MBNL2: variants seen among roughly 807,000 people sequenced by gnomAD.
MBNL2 encodes the protein muscleblind-like protein 2.
In MBNL2, 17 loss-of-function variants were observed where a neutral mutation model predicts 41.9. The ratio of observed to expected loss-of-function variants is 0.41; its 90% CI spans 0.28 to 0.61. MBNL2 has a LOEUF of 0.61. Ranked by LOEUF, MBNL2 falls within the 20% of genes least tolerant of loss-of-function variation. The probability of loss-of-function intolerance (pLI) is 0.35; values close to 1 mark genes in which losing one functional copy is unlikely to be tolerated. For synonymous variants in MBNL2, 195 were observed against 182.9 expected (o/e 1.07, Z -0.53); for missense variants, 336 against 505.6 (o/e 0.66, Z 3.22).
the MBNL2 span, among the ~76,000 whole-genome samples, chr13:97,178,055 A>G: frequency 6.6e-6 from 1 of 152,248 alleles, no homozygotes; most frequent in Non-Finnish European, 1.5e-5. Context: ...GTCAGAATAA[A>G]TCAACAAATA....
chr13:97,328,572 C>T (rs755627087), intron 2 of MBNL2, among the ~76,000 whole-genome samples: 1 of 152,204 alleles, frequency 6.6e-6, no homozygotes, highest in African/African-American at 2.4e-5. Context: ...TCCAGCCCTT[C>T]GCTAGAATCG....
chr13:97,245,699 A>AT, intron 1 of MBNL2, among the ~76,000 whole-genome samples: 1 of 152,348 alleles, frequency 6.6e-6, no homozygotes, highest in East Asian at 1.9e-4. Flanking sequence ...TGAATTTGAT[A>AT]TTTAGGCAGG....
intron 1 of MBNL2, among the ~76,000 whole-genome samples, chr13:97,250,003 G>T (rs1479896066): frequency 6.6e-6 from 1 of 152,170 alleles, no homozygotes; most frequent in Non-Finnish European, 1.5e-5. Context: ...TGCTGGCTTA[G>T]CCCAGGACAC....
chr13:97,144,351 T>A, the MBNL2 span, among the ~76,000 whole-genome samples: 46 of 151,688 alleles, frequency 3.0e-4, 2 homozygotes, highest in South Asian at 8.3e-3. Context: ...TAGAGGACTA[T>A]AACCATGTTA....
At chr13:97,264,221 G>T (rs2049266760) in intron 1 of MBNL2, among the ~76,000 whole-genome samples, 1 of 151,046 alleles carries the variant, frequency 6.6e-6, no homozygotes, top group African/African-American at 2.4e-5. Context: ...TAGAGATGGA[G>T]TTTCACCGTG....
chr13:97,213,276 T>C, the MBNL2 span, among the ~76,000 whole-genome samples: 64 of 152,180 alleles, frequency 4.2e-4, no homozygotes, highest in Admixed American at 6.5e-4. Context: ...TGAAGAAAGA[T>C]AGGCAGAAGC....
chr13:97,392,872 A>G lies in MBNL2; in HGVS notation c.*1423A>G, dbSNP rs1258329590. 6.6e-6 allele frequency: 1 copy of G among 152,510 alleles called. No individual in the cohort carries two copies. Among genetic ancestry groups the G allele is most frequent in the Non-Finnish European group, 1.5e-5 (1 of 67,940 alleles). The allele number at this position is 152,510 out of a possible 1,614,324, so 9.4% of individuals were successfully genotyped here. Reference sequence around the variant, plus strand: ...CATCCATTTTCTTTGTGAACATATTAGTGATTGAAGTATTTTGACTTTTGA... The same window carrying G: ...CATCCATTTTCTTTGTGAACATATTGGTGATTGAAGTATTTTGACTTTTGA... On this transcript the variant is annotated 3_prime_UTR_variant, in exon 9 of 9. Transcript: ENST00000679496.
intron 1 of MBNL2, among the ~76,000 whole-genome samples, chr13:97,225,974 A>G (rs1301506810): frequency 6.6e-6 from 1 of 152,094 alleles, no homozygotes; most frequent in African/African-American, 2.4e-5. Context: ...GGCTTTGTAA[A>G]TTAGTTAACA....
intron 8 of MBNL2, among the ~76,000 whole-genome samples, chr13:97,388,217 T>G (rs1161136649): frequency 6.6e-6 from 1 of 151,932 alleles, no homozygotes; most frequent in Non-Finnish European, 1.5e-5. Context: ...ATGTTTCTTA[T>G]CTGTAATGAA....
chr13:97,205,472 A>G, the MBNL2 span, among the ~76,000 whole-genome samples: 1 of 152,174 alleles, frequency 6.6e-6, no homozygotes, highest in Non-Finnish European at 1.5e-5. Flanking sequence ...ACAGAAGCAG[A>G]GTGTTCTCCT....
chr13:97,193,389 T>C, the MBNL2 span, among the ~76,000 whole-genome samples: 4 of 152,126 alleles, frequency 2.6e-5, no homozygotes, highest in Admixed American at 6.5e-5. Context: ...CACTGAAAAG[T>C]ATGTTTGGTA....
intron 8 of MBNL2, among the ~76,000 whole-genome samples, chr13:97,370,645 G>A (rs114650987): frequency 0.02 from 2,970 of 148,274 alleles, 92 homozygotes; most frequent in African/African-American, 0.063. Flanking sequence ...CTCCAGCCTG[G>A]CCAACAAGAG....
Position 97,238,498 on chromosome 13 carries a change from G to A in MBNL2, c.-605+15967G>A, listed in dbSNP as rs78853268. ...AGATTAAGGCTTCCTGAAACCAGGT[G>A]AGAATGGGAAATGGTGGCAGATCCT... On this transcript the variant is annotated intron_variant, in intron 1 of 8. Coordinates refer to ENST00000679496, the MANE Select transcript of MBNL2 (RefSeq NM_001382683.1). 8.2e-3 allele frequency among the ~76,000 whole-genome samples: 1,249 copies of A among 152,296 alleles called. 17 individuals are homozygous for A. Among genetic ancestry groups the A allele is most frequent in the African/African-American group, 0.029 (1,191 of 41,558 alleles).
At chr13:97,383,774 T>G (rs1314004091) in intron 8 of MBNL2, among the ~76,000 whole-genome samples, 1 of 152,176 alleles carries the variant, frequency 6.6e-6, no homozygotes, top group African/African-American at 2.4e-5. Flanking sequence ...AACTACATTT[T>G]GAAAATAAGT....
intron 3 of MBNL2, among the ~76,000 whole-genome samples, chr13:97,336,938 G>T (rs566735051): frequency 1.3e-5 from 2 of 152,054 alleles, no homozygotes; most frequent in Non-Finnish European, 2.9e-5. Flanking sequence ...TCCTTCTTCT[G>T]TCCACTCCTG....
chr13:97,268,421 A>G lies in MBNL2; in HGVS notation c.-604-7211A>G, dbSNP rs1278263600. Among the ~76,000 whole-genome samples the G allele has an allele frequency of 6.6e-6, 1 of 152,114 alleles. No individual in the cohort carries two copies. Among genetic ancestry groups the G allele is most frequent in the African/African-American group, 2.4e-5 (1 of 41,424 alleles). On this transcript the variant is annotated intron_variant, in intron 1 of 8. Coordinates refer to ENST00000679496, the MANE Select transcript of MBNL2 (RefSeq NM_001382683.1). This position sits in a 1 kb window ranked among gnomAD's most constrained non-coding sequence, Gnocchi z 4.6. ...GGGCCGAGAGTGTGCATTCCTAACA[A>G]GATCCCAGCGGATGCTGCTGCTGCT... is the stretch of plus-strand genomic sequence containing the variant.
At chr13:97,286,678 C>A (rs1021804081) in intron 2 of MBNL2, among the ~76,000 whole-genome samples, 3 of 152,228 alleles carry the variant, frequency 2.0e-5, no homozygotes, top group African/African-American at 7.2e-5. Flanking sequence ...CCCAGCCCCC[C>A]ACACTGTGCT....
chr13:97,237,451 C>T (rs2043487476), intron 1 of MBNL2, among the ~76,000 whole-genome samples: 1 of 152,188 alleles, frequency 6.6e-6, no homozygotes, highest in Non-Finnish European at 1.5e-5. Flanking sequence ...TTCCTTTCCC[C>T]TCATGGAATT....
At chr13:97,365,284 T>A (rs2063759592) in intron 8 of MBNL2, 113 bp downstream of exon 8, 1 of 787,306 alleles carries the variant, frequency 1.3e-6, no homozygotes, top group Non-Finnish European at 2.3e-6. Flanking sequence ...ATTTGAAGGC[T>A]TATTTGGCTT....
Sources: gnomAD v4.1 joint callset for allele counts (sites outside exome capture counted in the v4.1 genomes callset) on GRCh38, gnomAD v4.1.1 for gene constraint, Gnocchi (gnomAD v3.1) non-coding constraint, MANE v1.5 for transcripts, NCBI Gene and HGNC (gene_info 2026-07-23, HGNC 2026-07-21) for gene names.